Variants in GRIK2 observed in about 807,000 individuals in gnomAD.
GRIK2 encodes the protein glutamate ionotropic receptor kainate type subunit 2, also known as glutamate receptor ionotropic, kainate 2.
A neutral mutation model predicts 100.3 loss-of-function variants in GRIK2; 32 were observed. The ratio of observed to expected loss-of-function variants is 0.32; its 90% CI spans 0.24 to 0.43. The LOEUF is 0.43. GRIK2 is among the 20% of genes least tolerant of loss of function. The probability of loss-of-function intolerance (pLI) is 1.00; values close to 1 mark genes in which losing one functional copy is unlikely to be tolerated. For synonymous variants in GRIK2, 417 were observed against 389.4 expected, an observed-to-expected ratio of 1.07 and a Z score of -0.83; for missense variants, 843 against 1,114.9, an observed-to-expected ratio of 0.76 and a Z score of 3.47.
intron 11 of GRIK2, among the ~76,000 whole-genome samples, chr6:101,875,318 G>A (rs1267875996): frequency 6.6e-6 from 1 of 151,838 alleles, no homozygotes; most frequent in African/African-American, 2.4e-5. Flanking sequence ...GAGATCTCTT[G>A]TCCTTTATCT....
intron 14 of GRIK2, among the ~76,000 whole-genome samples, chr6:102,018,517 A>G (rs1769245304): frequency 6.6e-6 from 1 of 152,038 alleles, no homozygotes; most frequent in African/African-American, 2.4e-5. Flanking sequence ...TTTATCTTTT[A>G]GTTTCCCCCC....
intron 16 of GRIK2, among the ~76,000 whole-genome samples, chr6:102,059,826 TATAG>T (rs1329721221): frequency 6.6e-6 from 1 of 150,596 alleles, no homozygotes; most frequent in Non-Finnish European, 1.5e-5. Context: ...GTGTTTTGTA[TATAG>T]AAAGAATATT....
At chr6:102,034,998 A>G (rs986395773) in intron 14 of GRIK2, among the ~76,000 whole-genome samples, 2 of 151,344 alleles carry the variant, frequency 1.3e-5, no homozygotes, top group Non-Finnish European at 3.0e-5. Context: ...ATACTCAGGT[A>G]AGAGACAAGC....
At chr6:101,585,787 C>G (rs1397016856) in intron 2 of GRIK2, among the ~76,000 whole-genome samples, 1 of 151,904 alleles carries the variant, frequency 6.6e-6, no homozygotes, top group African/African-American at 2.4e-5. Flanking sequence ...ATAGATGATT[C>G]AGAAAATAAG....
chr6:101,567,779 A>C (rs1406083918), intron 2 of GRIK2, among the ~76,000 whole-genome samples: 3 of 152,006 alleles, frequency 2.0e-5, no homozygotes, highest in Non-Finnish European at 4.4e-5. Context: ...AACTTATTGA[A>C]TACTACCATC....
intron 7 of GRIK2, among the ~76,000 whole-genome samples, chr6:101,712,046 A>C (rs548020396): frequency 2.0e-5 from 3 of 151,944 alleles, no homozygotes; most frequent in Admixed American, 6.6e-5. Context: ...TATGGGTCAA[A>C]TTACTTACCC....
intron 7 of GRIK2, among the ~76,000 whole-genome samples, chr6:101,703,180 G>A (rs574920705): frequency 6.6e-6 from 1 of 151,860 alleles, no homozygotes; most frequent in East Asian, 1.9e-4. Context: ...GAATAAATTT[G>A]TGAGTCATTA....
intron 4 of GRIK2, among the ~76,000 whole-genome samples, chr6:101,662,645 G>A (rs1370948085): frequency 1.3e-5 from 2 of 151,734 alleles, no homozygotes; most frequent in Non-Finnish European, 2.9e-5. Context: ...CTCATACCAT[G>A]GTGTTTTCTA....
At chr6:101,536,502 G>A (rs78621712) in intron 2 of GRIK2, among the ~76,000 whole-genome samples, 3,561 of 151,444 alleles carry the variant, frequency 0.024, 141 homozygotes, top group African/African-American at 0.08. Flanking sequence ...ACATTAACAA[G>A]GATTACATTT....
At chr6:101,495,051 G>A (rs1773361806) in intron 2 of GRIK2, among the ~76,000 whole-genome samples, 1 of 142,992 alleles carries the variant, frequency 7.0e-6, no homozygotes, top group Admixed American at 7.1e-5. Context: ...TTTGGTATAT[G>A]CTGTTCAGAC....
chr6:101,439,118 T>C (rs1769901434), intron 2 of GRIK2, among the ~76,000 whole-genome samples: 1 of 152,164 alleles, frequency 6.6e-6, no homozygotes, highest in South Asian at 2.1e-4. Context: ...AGTGACCATC[T>C]GTCTGGTGCG....
intron 7 of GRIK2, among the ~76,000 whole-genome samples, chr6:101,783,228 G>A (rs949380413): frequency 1.3e-5 from 2 of 152,000 alleles, no homozygotes; most frequent in East Asian, 3.9e-4. Context: ...TTAGATCATG[G>A]GGATGGTTTC....
chr6:101,909,383 T>TTTTTTTG (rs1788490209), intron 12 of GRIK2, among the ~76,000 whole-genome samples: 2 of 133,144 alleles, frequency 1.5e-5, no homozygotes, highest in African/African-American at 3.0e-5. Context: ...TTTCTTTTTC[T>TTTTTTTG]TTTTTTTTTT....
intron 2 of GRIK2, among the ~76,000 whole-genome samples, chr6:101,524,996 G>T (rs1406872881): frequency 6.6e-6 from 1 of 152,084 alleles, no homozygotes; most frequent in Non-Finnish European, 1.5e-5. Context: ...GCCTCCCAAA[G>T]TGCTGAGATT....
At chr6:101,657,681 ATGAGTC>A (rs1241221349) in intron 4 of GRIK2, among the ~76,000 whole-genome samples, 2 of 152,150 alleles carry the variant, frequency 1.3e-5, no homozygotes, top group African/African-American at 4.8e-5. Flanking sequence ...CTTGATTATT[ATGAGTC>A]TATTATGTTA....
At chr6:101,606,295 C>T (rs945089882) in intron 2 of GRIK2, among the ~76,000 whole-genome samples, 24 of 151,996 alleles carry the variant, frequency 1.6e-4, no homozygotes, top group African/African-American at 4.1e-4. Flanking sequence ...TTAAACGTGT[C>T]GTTTGTTATG....
intron 10 of GRIK2, among the ~76,000 whole-genome samples, chr6:101,842,347 C>T (rs1783562230): frequency 6.6e-6 from 1 of 152,104 alleles, no homozygotes; most frequent in Admixed American, 6.6e-5. Flanking sequence ...ACTCATTCTA[C>T]TCATACCTTT....
At chr6:101,635,674 T>C (rs1780970241) in intron 4 of GRIK2, among the ~76,000 whole-genome samples, 1 of 151,830 alleles carries the variant, frequency 6.6e-6, no homozygotes, top group African/African-American at 2.4e-5. Flanking sequence ...AAAAACCCTA[T>C]CAAAAAGTGG....
chr6:101,702,997 C>G (rs141372024), intron 7 of GRIK2, among the ~76,000 whole-genome samples: 1 of 151,794 alleles, frequency 6.6e-6, no homozygotes, highest in African/African-American at 2.4e-5. Context: ...GATATCCAAG[C>G]AGGAATATGC....
Sources: gnomAD v4.1 joint callset for allele counts (sites outside exome capture counted in the v4.1 genomes callset) on GRCh38, gnomAD v4.1.1 for gene constraint, MANE v1.5 for transcripts, NCBI Gene and HGNC (gene_info 2026-07-23, HGNC 2026-07-21) for gene names.